The following RGPD2 variants were observed in gnomAD, a reference collection of about 807,000 sequenced individuals.
The protein encoded by RGPD2 is RANBP2 like and GRIP domain containing 2.
Under a neutral mutation model 36.0 loss-of-function variants are expected in RGPD2, and 2 were observed. That is an observed-to-expected ratio of 0.06 (90% CI 0.02 to 0.17). The LOEUF is 0.17. Among genes scored for constraint, RGPD2 ranks in the 10% least tolerant of loss-of-function variants. The probability of loss-of-function intolerance (pLI) is 1.00; values close to 1 mark genes in which losing one functional copy is unlikely to be tolerated. For synonymous variants in RGPD2, 19 were observed against 163.8 expected (o/e 0.12, Z 6.75); for missense variants, 40 against 464.3 (o/e 0.09, Z 8.40).
At chr2:87,967,280 C>T in the RGPD2 span, among the ~76,000 whole-genome samples, 1,184 of 146,902 alleles carry the variant, frequency 8.1e-3, 17 homozygotes, top group Non-Finnish European at 7.1e-3. Flanking sequence ...TGGTGGCATG[C>T]GCCTGTAGTC....
At chr2:87,860,766 G>C in the RGPD2 span, among the ~76,000 whole-genome samples, 1 of 152,174 alleles carries the variant, frequency 6.6e-6, no homozygotes, top group Non-Finnish European at 1.5e-5. Context: ...ACACATCCGT[G>C]CATGTCTGTT....
At chr2:87,915,560 ATATATACACATATATGTGTGTG>A in the RGPD2 span, among the ~76,000 whole-genome samples, 5 of 140,166 alleles carry the variant, frequency 3.6e-5, no homozygotes, top group East Asian at 2.0e-4. Context: ...GTATGTGTAT[ATATATACACATATATGTGTGTG>A]TATATACACA....
the RGPD2 span, among the ~76,000 whole-genome samples, chr2:87,914,008 G>A: frequency 6.6e-6 from 1 of 152,098 alleles, no homozygotes. Flanking sequence ...AAGAAGAGCA[G>A]TGATTGGAGT....
intron 1 of RGPD2, among the ~76,000 whole-genome samples, chr2:87,824,658 T>C (rs1574029605): frequency 6.7e-6 from 1 of 148,540 alleles, no homozygotes; most frequent in East Asian, 2.0e-4. Flanking sequence ...TAAATGACTT[T>C]AAATTTGGGG....
At chr2:87,979,256 T>A in the RGPD2 span, among the ~76,000 whole-genome samples, 3 of 121,736 alleles carry the variant, frequency 2.5e-5, no homozygotes, top group Non-Finnish European at 1.7e-5. Flanking sequence ...AAAGAAAATA[T>A]ATATCCACAA....
chr2:87,879,031 C>T, the RGPD2 span, among the ~76,000 whole-genome samples: 286 of 125,336 alleles, frequency 2.3e-3, no homozygotes, highest in Admixed American at 5.0e-3. Flanking sequence ...AATAGTGCTA[C>T]AATAAACATG....
At chr2:87,935,432 A>G in the RGPD2 span, among the ~76,000 whole-genome samples, 1 of 148,872 alleles carries the variant, frequency 6.7e-6, no homozygotes, top group Non-Finnish European at 1.5e-5. Flanking sequence ...CTATGGCTCT[A>G]TGAACTTCAT....
At chr2:87,866,614 A>G in the RGPD2 span, among the ~76,000 whole-genome samples, 119 of 152,398 alleles carry the variant, frequency 7.8e-4, no homozygotes, top group Non-Finnish European at 1.5e-3. Context: ...CCAAAGATCC[A>G]CAGCCACGCA....
At chr2:87,815,205 C>T (rs1192602030) in intron 4 of RGPD2, among the ~76,000 whole-genome samples, 1 of 143,242 alleles carries the variant, frequency 7.0e-6, no homozygotes, top group Non-Finnish European at 1.5e-5. Flanking sequence ...GTGCTTTGGT[C>T]GGGTTAAACA....
the RGPD2 span, among the ~76,000 whole-genome samples, chr2:87,875,543 C>T: frequency 2.0e-5 from 3 of 152,004 alleles, no homozygotes; most frequent in African/African-American, 4.8e-5. Flanking sequence ...AGTTTATACC[C>T]TCTCAGATAT....
chr2:87,932,306 G>T, the RGPD2 span, among the ~76,000 whole-genome samples: 1 of 95,962 alleles, frequency 1.0e-5, no homozygotes, highest in Non-Finnish European at 2.2e-5. Context: ...TGGAAAGACT[G>T]GAATTTTCCT....
chr2:87,857,585 G>A, the RGPD2 span, among the ~76,000 whole-genome samples: 11 of 151,502 alleles, frequency 7.3e-5, no homozygotes, highest in Non-Finnish European at 1.3e-4. Context: ...CTTGTGATCC[G>A]CCCGCCTCGG....
At chr2:87,864,391 A>G in the RGPD2 span, among the ~76,000 whole-genome samples, 1 of 152,252 alleles carries the variant, frequency 6.6e-6, no homozygotes, top group African/African-American at 2.4e-5. Context: ...CTGGGCCTTC[A>G]TACTTGGACT....
In RGPD2 at chr2:87,763,308, C is replaced by T. The variant is rs997065953; in HGVS notation, c.5237-5882G>A. Among the ~76,000 whole-genome samples the T allele has an allele frequency of 2.0e-5, 3 of 149,876 alleles. 1 individual carries two copies. The highest frequency in any genetic ancestry group is 7.5e-5 in the African/African-American group (3 of 39,920). ...TAGTAGCTGGGACTACAGGCGCCTGCCAACACGTCTGGCTAATTTTTTGTA... is the reference window on the plus strand; with the variant it reads ...TAGTAGCTGGGACTACAGGCGCCTGTCAACACGTCTGGCTAATTTTTTGTA... On this transcript the variant is annotated intron_variant, in intron 22 of 22. Transcript: ENST00000398146.
the RGPD2 span, among the ~76,000 whole-genome samples, chr2:87,938,168 T>C: frequency 1.3e-5 from 2 of 151,658 alleles, no homozygotes; most frequent in African/African-American, 4.8e-5. Flanking sequence ...AAAATGGAGC[T>C]AAAGATTCTA....
At chr2:87,825,185 C>G (rs1686651454) in intron 1 of RGPD2, 1 of 393,916 alleles carries the variant, frequency 2.5e-6, no homozygotes, top group Non-Finnish European at 4.5e-6. Flanking sequence ...CTATTTCCCC[C>G]TCTATTGATC....
chr2:87,813,044 C>T (rs1686161541), intron 4 of RGPD2, among the ~76,000 whole-genome samples: 4 of 151,736 alleles, frequency 2.6e-5, no homozygotes, highest in African/African-American at 4.8e-5. Context: ...TGAGGGCCTA[C>T]GTACCCTTAC....
upstream of RGPD2, chr2:87,826,065 T>G (rs1306135525): frequency 6.5e-6 from 2 of 308,920 alleles, no homozygotes; most frequent in Non-Finnish European, 1.2e-5. Flanking sequence ...TGCTTTCAGA[T>G]AAGCTGAACT....
the RGPD2 span, among the ~76,000 whole-genome samples, chr2:87,920,201 C>G: frequency 1.3e-5 from 2 of 152,076 alleles, no homozygotes; most frequent in Middle Eastern, 3.4e-3. Flanking sequence ...AGTAATAATG[C>G]TGCTTCTCTT....
Sources: allele counts gnomAD v4.1 joint callset (sites outside exome capture counted in the v4.1 genomes callset), GRCh38; gene constraint gnomAD v4.1.1; transcripts MANE v1.5; gene names NCBI Gene and HGNC (gene_info 2026-07-23, HGNC 2026-07-21).